Variants in HERC1 observed in about 807,000 individuals in gnomAD.
HERC1 encodes HECT and RLD domain containing E3 ubiquitin protein ligase family member 1.
HERC1 carries 160 observed loss-of-function variants against 554.3 expected under a neutral mutation model. The observed-to-expected ratio is 0.29, with a 90% CI of 0.25 to 0.33. The LOEUF is 0.33. HERC1 is among the 10% of genes least tolerant of loss of function. The pLI is 1.00. For synonymous variants in HERC1, 2,175 were observed against 2,131.7 expected (o/e 1.02, Z -0.56); for missense variants, 4,919 against 5,918.5 (o/e 0.83, Z 5.54).
chr15:63,675,129 A>G lies in HERC1; in HGVS notation c.7071-12T>C. 6.4e-7 allele frequency: 1 copy of G among 1,571,456 alleles called. No individual in the cohort carries two copies. The highest frequency in any genetic ancestry group is 8.6e-7 in the Non-Finnish European group (1 of 1,158,762). On this transcript the variant is annotated splice_polypyrimidine_tract_variant and intron_variant, in intron 37 of 77. Transcript: ENST00000443617. ...AAAAAGTTGGGAAGCTTTAATAAAG[A>G]TCAGAATGACACAGGAAGAAGCAAG...
At chr15:63,685,525 T>C (rs1467925977) in intron 34 of HERC1, among the ~76,000 whole-genome samples, 1 of 152,248 alleles carries the variant, frequency 6.6e-6, no homozygotes, top group Non-Finnish European at 1.5e-5. Context: ...ATCTACATTT[T>C]AAAAGTTAAG....
intron 73 of HERC1, 57 bp downstream of exon 73, chr15:63,623,668 A>G: frequency 3.9e-6 from 6 of 1,534,878 alleles, no homozygotes; most frequent in Non-Finnish European, 3.6e-6. Context: ...CACTGGAAAC[A>G]GCAAAATGGC....
Position 63,749,245 on chromosome 15 carries a change from T to C in HERC1, c.2219+122A>G. 1 of 731,740 alleles carries C rather than the reference T, an allele frequency of 1.4e-6. No individual in the cohort carries two copies. The allele number at this position is 731,740 out of a possible 1,614,324, so 45.3% of individuals were successfully genotyped here. A position where few individuals can be genotyped will look rare whatever the true frequency, so the allele number is the denominator to read the frequency against. On this transcript the variant is annotated intron_variant, in intron 10 of 77. Coordinates refer to ENST00000443617, the MANE Select transcript of HERC1 (RefSeq NM_003922.4). This position sits in a 1 kb window ranked among gnomAD's most constrained non-coding sequence, Gnocchi z 4.1. The stretch of plus-strand genomic sequence containing the variant: ...CTATGATAGAGAAAAAGCAATACTA[T>C]ATATGTTCAGAAGAGTATTTTATGA...
intron 59 of HERC1, among the ~76,000 whole-genome samples, chr15:63,642,078 G>A (rs2069092155): frequency 6.6e-6 from 1 of 152,124 alleles, no homozygotes. Flanking sequence ...TTTACTTGCA[G>A]TAGAACCTTT....
At position 63,641,579 on chromosome 15, in the gene HERC1, C is replaced by T; in HGVS notation, c.11498G>A (p.Arg3833Lys). The T allele has an allele frequency of 6.2e-7, 1 of 1,602,250 alleles. No individual in the cohort carries two copies. The highest frequency in any genetic ancestry group is 8.5e-7 in the Non-Finnish European group (1 of 1,173,598). The change falls in exon 60 of 78, where the codon AGG (arginine) becomes AAG (lysine). Residue 3833 changes from arginine to lysine, a missense_variant. Arg to Lys is a conservative substitution (Grantham distance 26). Around this residue, in one of 11 missense-constraint regions of HERC1, gnomAD observed 1,963 missense variants for 2,228.6 expected, o/e 0.88. Transcript: ENST00000443617. ...AAANHVLATC[R>K]TALKQQGVLG... is the part of the protein sequence containing the mutation. ...AACACCCTGCTGTTTCAATGCTGTC[C>T]TACAGGTTGCCAAAACATGATTGGC... is the stretch of plus-strand genomic sequence containing the variant.
intron 3 of HERC1, among the ~76,000 whole-genome samples, chr15:63,762,278 T>C (rs763954173): frequency 3.9e-5 from 6 of 152,184 alleles, no homozygotes; most frequent in Non-Finnish European, 7.4e-5. Context: ...TAATTCAATG[T>C]GCTGAAACTC....
intron 76 of HERC1, among the ~76,000 whole-genome samples, chr15:63,614,324 C>A (rs2067724477): frequency 6.6e-6 from 1 of 152,190 alleles, no homozygotes; most frequent in South Asian, 2.1e-4. Context: ...AGCTGGCAAT[C>A]CTTACCTCAC....
chr15:63,698,756 G>A lies in HERC1; in HGVS notation c.4877C>T (p.Ala1626Val), dbSNP rs2072565446. The A allele has an allele frequency of 6.2e-7, 1 of 1,613,760 alleles. No homozygotes were observed. The highest frequency in any genetic ancestry group is 8.5e-7 in the Non-Finnish European group (1 of 1,179,750). Residue 1626 changes from alanine to valine, a missense_variant, in exon 26 of 78, where the codon GCA becomes GTA. By Grantham distance (64) the Ala-to-Val change is moderately conservative. Around this residue, in one of 11 missense-constraint regions of HERC1, gnomAD observed 1,121 missense variants for 1,244.0 expected, o/e 0.90. Transcript: ENST00000443617. ...TGCCCTTAACTGCTGCTGTTCCATT[G>A]CAATGATGGAGGCCTGGGGACTTGT... ...MSTSPQASII[A>V]MEQQQLRAEL... is the part of the protein sequence containing the mutation.
chr15:63,831,784 C>T (rs2078166008), intron 1 of HERC1, among the ~76,000 whole-genome samples: 1 of 152,144 alleles, frequency 6.6e-6, no homozygotes, highest in Admixed American at 6.5e-5. Flanking sequence ...CCAACACATT[C>T]TCCAAAATTT....
chr15:63,755,511 A>G (rs531769212), intron 5 of HERC1, among the ~76,000 whole-genome samples, 186 bp from the exon 6 acceptor site: 1 of 152,328 alleles, frequency 6.6e-6, no homozygotes, highest in East Asian at 1.9e-4. Flanking sequence ...AAGTGCTGAA[A>G]TACATGCCTG....
At position 63,616,594 on chromosome 15, in the gene HERC1, T is replaced by C. The variant is rs750014652; in HGVS notation, c.13777A>G (p.Lys4593Glu). The change falls in exon 75 of 78, where the codon AAG becomes GAG. Residue 4593 changes from lysine (K) to glutamate (E), a missense_variant. Transcript: ENST00000443617. ...GCCAAGTGGAGGTCCAGAGGCTTCT[T>C]TGTGCGAATGGCAACCCCCATTAAA... ...GILMGVAIRT[K>E]KPLDLHLAPL... 3.1e-6 allele frequency: 5 copies of C among 1,613,942 alleles called. No homozygotes were observed. Among genetic ancestry groups the C allele is most frequent in the African/African-American group, 1.3e-5 (1 of 75,026 alleles).
intron 1 of HERC1, among the ~76,000 whole-genome samples, chr15:63,793,264 A>G (rs1567133622): frequency 6.6e-6 from 1 of 152,238 alleles, no homozygotes; most frequent in Non-Finnish European, 1.5e-5. Flanking sequence ...CACAAGACAC[A>G]GGTCGTAAAG....
At chr15:63,829,440 C>G (rs2078052707) in intron 1 of HERC1, among the ~76,000 whole-genome samples, 2 of 107,432 alleles carry the variant, frequency 1.9e-5, no homozygotes, top group Admixed American at 2.0e-4. Flanking sequence ...AAAGAAACGT[C>G]AGTATGTGTG....
At chr15:63,701,167 A>C (rs980939541) in intron 25 of HERC1, among the ~76,000 whole-genome samples, 3 of 152,194 alleles carry the variant, frequency 2.0e-5, no homozygotes, top group African/African-American at 7.2e-5. Context: ...GACCTTAAAG[A>C]TTATTTAGTC....
chr15:63,632,917 T>TTTA (rs2068625061), intron 67 of HERC1, 106 bp from the exon 68 acceptor site: 1 of 736,728 alleles, frequency 1.4e-6, no homozygotes, highest in Non-Finnish European at 2.2e-6. Flanking sequence ...AAAATACTAA[T>TTTA]TGTCACTTAC....
chr15:63,619,627 G>A (rs1595829707), intron 74 of HERC1, among the ~76,000 whole-genome samples: 1 of 152,236 alleles, frequency 6.6e-6, no homozygotes, highest in South Asian at 2.1e-4. Flanking sequence ...GTCTGGTCCT[G>A]GACTTTTTTT....
intron 1 of HERC1, among the ~76,000 whole-genome samples, chr15:63,819,547 A>G (rs1047610946): frequency 6.6e-6 from 1 of 152,200 alleles, no homozygotes; most frequent in East Asian, 1.9e-4. Flanking sequence ...TCACTTTTTA[A>G]TAGCGAAGTC....
chr15:63,685,596 C>T (rs76398865), intron 34 of HERC1, among the ~76,000 whole-genome samples: 2,647 of 152,302 alleles, frequency 0.017, 75 homozygotes, highest in African/African-American at 0.061. Context: ...TTAATGAGAT[C>T]TGTTGTAACT....
chr15:63,639,413 G>A (rs911243461), intron 61 of HERC1, among the ~76,000 whole-genome samples: 3 of 152,126 alleles, frequency 2.0e-5, no homozygotes, highest in African/African-American at 7.2e-5. Flanking sequence ...CTTGTTGCAA[G>A]TAGGCTGTAT....
Sources: allele counts gnomAD v4.1 joint callset (sites outside exome capture counted in the v4.1 genomes callset), GRCh38; gene constraint gnomAD v4.1.1; regional missense constraint gnomAD v4.1.1; non-coding constraint Gnocchi (gnomAD v3.1); transcripts MANE v1.5; gene names NCBI Gene and HGNC (gene_info 2026-07-23, HGNC 2026-07-21).